Variants in BAIAP2 observed in about 807,000 individuals in gnomAD.
BAIAP2 encodes BAR/IMD domain-containing adapter protein 2.
Under a neutral mutation model 63.0 loss-of-function variants are expected in BAIAP2, and 18 were observed. The ratio of observed to expected loss-of-function variants is 0.29; its 90% CI spans 0.20 to 0.42. The LOEUF is 0.42. Ranked by LOEUF, BAIAP2 falls within the 10% of genes least tolerant of loss-of-function variation. The pLI is 1.00. For missense variants in BAIAP2, 610 were observed against 734.3 expected, an observed-to-expected ratio of 0.83 and a Z score of 1.96; for synonymous variants, 386 against 307.6, an observed-to-expected ratio of 1.25 and a Z score of -2.67.
intron 3 of BAIAP2, among the ~76,000 whole-genome samples, chr17:81,069,358 C>T (rs553151676): frequency 3.9e-5 from 6 of 152,300 alleles, no homozygotes; most frequent in Admixed American, 2.6e-4. Context: ...ATCCAAGTAC[C>T]GAGGGGCGGC....
intron 2 of BAIAP2, among the ~76,000 whole-genome samples, chr17:81,056,886 C>T (rs1040431616): frequency 7.9e-5 from 12 of 152,082 alleles, no homozygotes; most frequent in African/African-American, 2.7e-4. Flanking sequence ...TCTGCTGTTG[C>T]GTTTTTCTGC....
intron 6 of BAIAP2, among the ~76,000 whole-genome samples, chr17:81,088,835 T>C (rs1162088726): frequency 2.0e-5 from 3 of 152,196 alleles, no homozygotes; most frequent in Admixed American, 6.5e-5. Flanking sequence ...CGCTGGGAGC[T>C]GGAGATCGCG....
rs746438078 is a variant in BAIAP2 at position 81,100,065 on chromosome 17, G to C, written c.627G>C (p.Ala209=). The part of the protein sequence containing the change: ...EKQCAVAKNS[A]AYHSKGKELL... ...AGTGCGCCGTGGCCAAGAACTCCGC[G>C]GCCTACCACTCCAAGGTGAGGCGGC... The change falls in exon 7 of 14, where the codon GCG becomes GCC. Residue 209 remains alanine, a synonymous_variant. Coordinates refer to ENST00000428708, the MANE Select transcript of BAIAP2 (RefSeq NM_001144888.2). 11 of 1,610,852 alleles carry C rather than the reference G, an allele frequency of 6.8e-6. No individual in the cohort carries two copies. Among genetic ancestry groups the C allele is most frequent in the Non-Finnish European group, 9.3e-6 (11 of 1,179,400 alleles).
chr17:81,107,205 C>T lies in BAIAP2; in HGVS notation c.1500+298C>T, dbSNP rs556340605. The T allele has an allele frequency of 2.8e-3, 1,005 of 358,672 alleles. 1 individual carries two copies. Among genetic ancestry groups the T allele is most frequent in the Middle Eastern group, 0.012 (17 of 1,404 alleles). 22.2% of individuals were successfully genotyped at this position (358,672 alleles called of 1,614,324 possible). A position where few individuals can be genotyped will look rare whatever the true frequency, so the allele number is the denominator to read the frequency against. ...CTCACTGCTCTGTCCAAGGGGGCAGCGTCTGGGCTGGGAAGTGGCTGGCCT... is the reference window on the plus strand; with the variant it reads ...CTCACTGCTCTGTCCAAGGGGGCAGTGTCTGGGCTGGGAAGTGGCTGGCCT... On this transcript the variant is annotated intron_variant, in intron 12 of 13. Transcript: ENST00000428708.
intron 3 of BAIAP2, among the ~76,000 whole-genome samples, chr17:81,073,570 T>G (rs955176946): frequency 6.6e-6 from 1 of 152,204 alleles, no homozygotes; most frequent in African/African-American, 2.4e-5. Context: ...GGGTCTGAGC[T>G]GCTGTTTGCC....
In BAIAP2 at chr17:81,080,546, C is replaced by A. The variant is rs550573566; in HGVS notation, c.218-4286C>A. 1.9e-4 allele frequency among the ~76,000 whole-genome samples: 29 copies of A among 151,972 alleles called. No homozygotes were observed. The East Asian group carries it at 1.9e-3, about 10-fold the overall frequency. On this transcript the variant is annotated intron_variant, in intron 3 of 13. Transcript: ENST00000428708. ...GGTGATGACCGTCACCTGGCCAGAA[C>A]CCCCTGAGAAGCTCCACATACTCTT...
intron 3 of BAIAP2, among the ~76,000 whole-genome samples, chr17:81,080,655 G>A (rs897688252): frequency 6.6e-6 from 1 of 152,350 alleles, no homozygotes; most frequent in Admixed American, 6.5e-5. Context: ...ACTCCATTGT[G>A]TGTAGCCTTT....
intron 7 of BAIAP2, 148 bp from the exon 8 acceptor site, chr17:81,103,354 A>T (rs2058740189): frequency 2.7e-6 from 2 of 732,258 alleles, no homozygotes; most frequent in South Asian, 3.6e-5. Flanking sequence ...TCAGAGGCTC[A>T]CGGGTGGCCT....
intron 1 of BAIAP2, among the ~76,000 whole-genome samples, chr17:81,043,390 C>T (rs1188670208): frequency 1.3e-5 from 2 of 152,256 alleles, no homozygotes; most frequent in East Asian, 3.8e-4. Flanking sequence ...CTGTCCTGCT[C>T]CTGGGCTGAG....
intron 12 of BAIAP2, 63 bp from the exon 13 acceptor site, chr17:81,108,412 A>G (rs2059427940): frequency 6.3e-7 from 1 of 1,575,720 alleles, no homozygotes; most frequent in African/African-American, 1.3e-5. Context: ...GTGTACAGGC[A>G]GCGGGTGGGG....
At chr17:81,088,797 A>C (rs1598724329) in intron 6 of BAIAP2, among the ~76,000 whole-genome samples, 1 of 152,330 alleles carries the variant, frequency 6.6e-6, no homozygotes, top group East Asian at 1.9e-4. Context: ...TCTCCCTGGC[A>C]CGGCCGGTAC....
At chr17:81,087,526 A>G (rs998100626) in intron 6 of BAIAP2, 3 of 152,214 alleles carry the variant, frequency 2.0e-5, no homozygotes, top group Non-Finnish European at 4.4e-5. Flanking sequence ...CAGGGAAGCC[A>G]AGCAGGTCTG....
intron 13 of BAIAP2, chr17:81,109,078 C>G (rs757740179): frequency 3.6e-5 from 54 of 1,502,114 alleles, no homozygotes; most frequent in Non-Finnish European, 4.7e-5. Flanking sequence ...CTCCTCAGCT[C>G]TCGCTGGTTT....
In BAIAP2 at chr17:81,090,352, C is replaced by T. The variant is rs577951900; in HGVS notation, c.489+3772C>T. ...GTGCCTGCGTGGGGGCTCTCCTGGA[C>T]GGACCTCCGCCTCTGCTCCTCCCCA... On this transcript the variant is annotated intron_variant, in intron 6 of 13. Coordinates refer to ENST00000428708, the MANE Select transcript of BAIAP2 (RefSeq NM_001144888.2). Among the ~76,000 whole-genome samples, 7 of 151,882 alleles carry T rather than the reference C, an allele frequency of 4.6e-5. No individual in the cohort carries two copies. In the Middle Eastern group the frequency reaches 0.01, roughly 221 times the overall value.
intron 2 of BAIAP2, among the ~76,000 whole-genome samples, chr17:81,056,152 C>T (rs1196119924): frequency 6.6e-6 from 1 of 152,118 alleles, no homozygotes; most frequent in Non-Finnish European, 1.5e-5. Flanking sequence ...AGGCTGAGGC[C>T]CGGCTCGAGG....
At chr17:81,105,782 G>C in intron 10 of BAIAP2, 1 of 341,586 alleles carries the variant, frequency 2.9e-6, no homozygotes, top group South Asian at 3.2e-5. Flanking sequence ...CGTGACACTG[G>C]GGCTGCGAGG....
At chr17:81,074,794 A>G (rs895661763) in intron 3 of BAIAP2, among the ~76,000 whole-genome samples, 5 of 152,196 alleles carry the variant, frequency 3.3e-5, no homozygotes, top group Non-Finnish European at 4.4e-5. Context: ...GTCTGTGTGC[A>G]TGTACGGATG....
chr17:81,092,201 G>A (rs1201240147), intron 6 of BAIAP2, among the ~76,000 whole-genome samples: 1 of 152,272 alleles, frequency 6.6e-6, no homozygotes, highest in Non-Finnish European at 1.5e-5. Context: ...TGTATGCGGA[G>A]CACCAGGCTC....
intron 1 of BAIAP2, among the ~76,000 whole-genome samples, chr17:81,045,976 G>A (rs997307572): frequency 6.6e-6 from 1 of 152,166 alleles, no homozygotes; most frequent in African/African-American, 2.4e-5. Context: ...AGCCCTCTGC[G>A]GGGTCTCATG....
Sources: gnomAD v4.1 joint callset for allele counts (sites outside exome capture counted in the v4.1 genomes callset) on GRCh38, gnomAD v4.1.1 for gene constraint, MANE v1.5 for transcripts, NCBI Gene and HGNC (gene_info 2026-07-23, HGNC 2026-07-21) for gene names.